PARG: variants seen among roughly 807,000 people sequenced by gnomAD.
The protein encoded by PARG is poly(ADP-ribose) glycohydrolase.
In PARG, 35 loss-of-function variants were observed where a neutral mutation model predicts 113.0. The observed-to-expected ratio is 0.31, with a 90% confidence interval of 0.24 to 0.41. The LOEUF (loss-of-function observed/expected upper bound fraction) is 0.41, where lower values mean the gene tolerates loss of function less well. Ranked by LOEUF, PARG falls within the 10% of genes least tolerant of loss-of-function variation. PARG has a pLI of 1.00. For synonymous variants in PARG, 330 were observed against 409.9 expected (o/e 0.81, Z 2.36); for missense variants, 797 against 1,169.4 (o/e 0.68, Z 4.64).
intron 12 of PARG, among the ~76,000 whole-genome samples, chr10:49,858,363 ACACACAC>A: frequency 2.0e-5 from 3 of 150,394 alleles, no homozygotes; most frequent in African/African-American, 7.4e-5. Flanking sequence ...ACACACACAC[ACACACAC>A]AACTTGTGTA....
At chr10:49,894,876 A>C (rs1554842347) in intron 7 of PARG, among the ~76,000 whole-genome samples, 1 of 152,208 alleles carries the variant, frequency 6.6e-6, no homozygotes. Context: ...TGTTGGTAGT[A>C]TCACGCTCCC....
At chr10:49,911,237 C>T (rs1185224490) in intron 7 of PARG, among the ~76,000 whole-genome samples, 2 of 149,808 alleles carry the variant, frequency 1.3e-5, no homozygotes, top group Admixed American at 6.7e-5. Context: ...GGGCCAAGAT[C>T]GTGCCACTCC....
intron 4 of PARG, among the ~76,000 whole-genome samples, chr10:49,927,657 G>A (rs1188088417): frequency 6.6e-6 from 1 of 152,042 alleles, no homozygotes; most frequent in Non-Finnish European, 1.5e-5. Flanking sequence ...TATATTCCAA[G>A]GAGAAAAGAA....
chr10:49,829,065 T>A (rs1844517517), intron 16 of PARG, among the ~76,000 whole-genome samples: 1 of 151,952 alleles, frequency 6.6e-6, no homozygotes, highest in Admixed American at 6.6e-5. Flanking sequence ...TGAGACCCTG[T>A]CTCTGCTAAA....
intron 4 of PARG, among the ~76,000 whole-genome samples, chr10:49,931,488 C>G (rs1445864444): frequency 6.6e-6 from 1 of 152,040 alleles, no homozygotes; most frequent in African/African-American, 2.4e-5. Context: ...GATGGATAAA[C>G]TGGCTCATCT....
At chr10:49,928,028 T>C (rs1157576778) in intron 4 of PARG, among the ~76,000 whole-genome samples, 28 of 150,868 alleles carry the variant, frequency 1.9e-4, no homozygotes, top group East Asian at 5.9e-4. Flanking sequence ...TCCCAGCACA[T>C]TGGGGGGCCC....
chr10:49,880,057 T>TA (rs1166028962), intron 8 of PARG, among the ~76,000 whole-genome samples: 1 of 151,036 alleles, frequency 6.6e-6, no homozygotes, highest in African/African-American at 2.4e-5. Flanking sequence ...ATAATAATGA[T>TA]AGTGAAGAGA....
intron 16 of PARG, among the ~76,000 whole-genome samples, chr10:49,828,160 T>C (rs1554829727): frequency 1.4e-5 from 2 of 145,070 alleles, no homozygotes; most frequent in East Asian, 4.0e-4. Context: ...GCCCAAATGT[T>C]GTAATCTACA....
chr10:49,915,330 G>C (rs1359133963), intron 7 of PARG, among the ~76,000 whole-genome samples: 1 of 151,990 alleles, frequency 6.6e-6, no homozygotes, highest in Non-Finnish European at 1.5e-5. Flanking sequence ...AGAAGATATA[G>C]AAATGGCCAA....
In PARG at chr10:49,903,902, T is replaced by C. The variant is rs187970400; in HGVS notation, c.1737+12015A>G. 7.9e-3 allele frequency among the ~76,000 whole-genome samples: 1,204 copies of C among 152,316 alleles called. 8 individuals are homozygous for C. The highest frequency in any genetic ancestry group is 0.015 in the Admixed American group (232 of 15,304). The stretch of plus-strand genomic sequence containing the variant: ...AATGCCATGGAGGTTTTAAGATCTA[T>C]GCTTCAGATAGCTCACTGTGTGTAA... On this transcript the variant is annotated intron_variant, in intron 7 of 17. Transcript: ENST00000616448.
chr10:49,902,525 C>G (rs1564644230), intron 7 of PARG, among the ~76,000 whole-genome samples: 1 of 152,150 alleles, frequency 6.6e-6, no homozygotes, highest in African/African-American at 2.4e-5. Context: ...AGAACAGCCT[C>G]TCCCTTCTAC....
chr10:49,833,331 T>A (rs2132404313), intron 15 of PARG: 1 of 153,004 alleles, frequency 6.5e-6, no homozygotes, highest in East Asian at 1.9e-4. Context: ...AATCACTATT[T>A]TTTTCATCAG....
chr10:49,828,730 C>G (rs1554829837), intron 16 of PARG, among the ~76,000 whole-genome samples: 1 of 152,166 alleles, frequency 6.6e-6, no homozygotes, highest in Non-Finnish European at 1.5e-5. Flanking sequence ...AATTGTGAGG[C>G]TGGGCATGGT....
intron 13 of PARG, among the ~76,000 whole-genome samples, chr10:49,846,324 G>C (rs1276654685): frequency 6.6e-6 from 1 of 150,540 alleles, no homozygotes; most frequent in Non-Finnish European, 1.5e-5. Flanking sequence ...TCTGGGGTTG[G>C]GGACTGACCA....
chr10:49,933,327 TCTC>T lies in PARG; in HGVS notation c.1118_1120del (p.Gly373del), dbSNP rs1838581680. 2 of 1,611,760 alleles carry T rather than the reference TCTC, an allele frequency of 1.2e-6. No individual in the cohort carries two copies. The highest frequency in any genetic ancestry group is 2.2e-5 in the South Asian group (2 of 90,920). ...TAAATCATTCATTCCAGTGCGACTCTCTCCTCCTTCAAATTGGAAATGTAATCT... is the reference window on the plus strand; with the variant it reads ...TAAATCATTCATTCCAGTGCGACTCTCTCCTTCAAATTGGAAATGTAATCT... On this transcript the variant is annotated inframe_deletion, in exon 3 of 18. Coordinates refer to ENST00000616448, the MANE Select transcript of PARG (RefSeq NM_003631.5).
At chr10:49,914,746 CAT>C (rs1227671045) in intron 7 of PARG, among the ~76,000 whole-genome samples, 1 of 152,170 alleles carries the variant, frequency 6.6e-6, no homozygotes, top group African/African-American at 2.4e-5. Context: ...CAAGGATAGA[CAT>C]ATAGATCAGT....
chr10:49,912,007 T>G (rs1837212889), intron 7 of PARG, among the ~76,000 whole-genome samples: 1 of 152,144 alleles, frequency 6.6e-6, no homozygotes, highest in Admixed American at 6.5e-5. Flanking sequence ...AGTAAAGAAT[T>G]TCCAAATTCT....
rs1554910001 is a variant in PARG, at chr10:49,932,178, C to T, written c.1377G>A (p.Glu459=). 1.6e-5 allele frequency: 26 copies of T among 1,605,592 alleles called. No homozygotes were observed. The highest frequency in any genetic ancestry group is 2.2e-5 in the Non-Finnish European group (26 of 1,172,302). ...CACACCGAGGCATTCTTCTCATCTC[C>T]TCAATGGGAGTTCCAAGCCACTTCT... The part of the protein sequence containing the change: ...PDKKWLGTPI[E]EMRRMPRCGI... The change falls in exon 4 of 18, where the codon GAG becomes GAA. Residue 459 remains glutamate, a synonymous_variant. Coordinates refer to ENST00000616448, the MANE Select transcript of PARG (RefSeq NM_003631.5).
chr10:49,845,160 T>C (rs189469902), intron 13 of PARG, among the ~76,000 whole-genome samples: 10 of 152,350 alleles, frequency 6.6e-5, no homozygotes, highest in African/African-American at 2.4e-4. Context: ...CATTTTATAT[T>C]GCTGGGAGAA....
Sources: allele counts gnomAD v4.1 joint callset (sites outside exome capture counted in the v4.1 genomes callset), GRCh38; gene constraint gnomAD v4.1.1; transcripts MANE v1.5; gene names NCBI Gene and HGNC (gene_info 2026-07-23, HGNC 2026-07-21).